The following CRB2 variants were observed in gnomAD, a reference collection of about 807,000 sequenced individuals.
CRB2 encodes the protein crumbs cell polarity complex component 2, also known as protein crumbs homolog 2.
CRB2 carries 85 observed loss-of-function variants against 110.9 expected under a neutral mutation model. The ratio of observed to expected loss-of-function variants is 0.77; its 90% CI spans 0.64 to 0.92. The LOEUF is 0.92. Among genes scored for constraint, CRB2 ranks in the 40% least tolerant of loss-of-function variants. CRB2 has a pLI of 0.00. For missense variants in CRB2, 1,843 were observed against 1,851.3 expected, an observed-to-expected ratio of 1.00 and a Z score of 0.08; for synonymous variants, 907 against 831.0, an observed-to-expected ratio of 1.09 and a Z score of -1.57.
intron 6 of CRB2, chr9:123,368,871 T>G: frequency 7.9e-7 from 1 of 1,266,678 alleles, no homozygotes; most frequent in Non-Finnish European, 1.0e-6. Flanking sequence ...CCCACCACTC[T>G]CAACCTGTCT....
rs376610848 is a variant in CRB2, at chr9:123,366,125, C to T, written c.614+13C>T. ...ACCTGGTCAACGGGTGAGCGAGCGG[C>T]GGGGCAGGCGGCAGGGGCGCCGGGT... On this transcript the variant is annotated intron_variant, in intron 3 of 12. Coordinates refer to ENST00000373631, the MANE Select transcript of CRB2 (RefSeq NM_173689.7). The T allele has an allele frequency of 6.6e-3, 9,311 of 1,409,222 alleles. 47 individuals are homozygous for T. Among genetic ancestry groups the T allele is most frequent in the Non-Finnish European group, 7.5e-3 (8,107 of 1,087,976 alleles). The allele number at this position is 1,409,222 out of a possible 1,614,324, so 87.3% of individuals were successfully genotyped here.
At chr9:123,379,680 A>T (rs951856866), downstream of CRB2, 1 of 152,272 alleles carries the variant, frequency 6.6e-6, no homozygotes, top group African/African-American at 2.4e-5. Context: ...ATTTTATTGA[A>T]TGCACACAAA....
chr9:123,367,684 C>G lies in CRB2; in HGVS notation c.1052C>G (p.Ala351Gly). The change falls in exon 6 of 13, where the codon GCA becomes GGA. Residue 351 changes from alanine to glycine, a missense_variant and splice_region_variant. Physicochemically the swap from Ala to Gly is moderately conservative, Grantham distance 60. Coordinates refer to ENST00000373631, the MANE Select transcript of CRB2 (RefSeq NM_173689.7). ...GFQCHCPDGY[A>G]GPTCEEDVDE... ...CAGTGTCACTGCCCAGATGGCTACG[C>G]AGGTGTCTGGGGTGGGGTGGGCCCT... The G allele has an allele frequency of 6.4e-7, 1 of 1,551,588 alleles. No individual in the cohort carries two copies. The highest frequency in any genetic ancestry group is 8.7e-7 in the Non-Finnish European group (1 of 1,147,382).
At chr9:123,354,275 C>T (rs1455164741), upstream of CRB2, among the ~76,000 whole-genome samples, 6 of 152,332 alleles carry the variant, frequency 3.9e-5, no homozygotes, top group East Asian at 7.7e-4. Flanking sequence ...TGCTGGGGGC[C>T]GGGCTGCAGA....
At position 123,371,322 on chromosome 9, in the gene CRB2, A is replaced by G; in HGVS notation, c.2180A>G (p.His727Arg). The change falls in exon 8 of 13, where the codon CAC becomes CGC. Residue 727 changes from histidine (H) to arginine (R), a missense_variant. Physicochemically the swap from His to Arg is conservative, Grantham distance 29. Transcript: ENST00000373631. ...LPGRWDDGLR[H>R]LVMLSFGPDQ... ...GGGCGCTGGGATGATGGGCTCCGTC[A>G]CCTGGTGATGCTCAGCTTCGGGCCT... The G allele has an allele frequency of 1.2e-6, 2 of 1,610,044 alleles. No individual in the cohort carries two copies. Among genetic ancestry groups the G allele is most frequent in the Non-Finnish European group, 1.7e-6 (2 of 1,177,654 alleles).
At position 123,377,184 on chromosome 9, in the gene CRB2, C is replaced by T; in HGVS notation, c.*122C>T. 1 of 835,630 alleles carries T rather than the reference C, an allele frequency of 1.2e-6. No individual in the cohort carries two copies. The highest frequency in any genetic ancestry group is 2.7e-5 in the East Asian group (1 of 36,630). The allele number at this position is 835,630 out of a possible 1,614,324, so 51.8% of individuals were successfully genotyped here. On this transcript the variant is annotated 3_prime_UTR_variant, in exon 13 of 13. Coordinates refer to ENST00000373631, the MANE Select transcript of CRB2 (RefSeq NM_173689.7). ...GAAGTGTCCCCTTGGCTGGCAGCCT[C>T]TGCCTCTGCCTCTGCCCCATCCTGG...
chr9:123,366,010 T>C lies in CRB2; in HGVS notation c.512T>C (p.Val171Ala), dbSNP rs1439682979. ...CLDGVGSFRC[V>A]CAPGYGGTRC... ...GACGGCGTGGGCTCCTTCCGCTGTG[T>C]GTGCGCGCCAGGCTACGGGGGCACC... Residue 171 changes from valine to alanine, a missense_variant, in exon 3 of 13, where the codon GTG becomes GCG. Physicochemically the swap from Val to Ala is moderately conservative, Grantham distance 64. Transcript: ENST00000373631. 1.2e-5 allele frequency: 19 copies of C among 1,595,014 alleles called. No homozygotes were observed. Among genetic ancestry groups the C allele is most frequent in the Non-Finnish European group, 1.6e-5 (19 of 1,177,918 alleles).
intron 2 of CRB2, 127 bp from the exon 3 acceptor site, chr9:123,365,777 CCCCCCAACCACCA>C: frequency 1.3e-6 from 1 of 748,592 alleles, no homozygotes; most frequent in Non-Finnish European, 2.0e-6. Context: ...CCGTCCCCCA[CCCCCCAACCACCA>C]CCACCACCAT....
upstream of CRB2, among the ~76,000 whole-genome samples, chr9:123,355,279 G>A (rs1891632): frequency 0.17 from 25,809 of 152,082 alleles, 2,526 homozygotes; most frequent in Admixed American, 0.3. Flanking sequence ...AGTGCAGCAG[G>A]AGACTATAAG....
In CRB2 at chr9:123,376,682, T is replaced by C. The variant is rs2797947; in HGVS notation, c.3634-156T>C. 0.97 allele frequency among the ~76,000 whole-genome samples: 147,019 copies of C among 152,320 alleles called. 71,174 individuals are homozygous for C. Among genetic ancestry groups the C allele is most frequent in the East Asian group, 1 (5,175 of 5,176 alleles). On this transcript the variant is annotated intron_variant, in intron 12 of 12. Coordinates refer to ENST00000373631, the MANE Select transcript of CRB2 (RefSeq NM_173689.7). Reference sequence around the variant, plus strand: ...GGTGGTTTCCTGGCACTTGCCTGCATACCCCTGGGGCTGGGTCTTCACTGC... The same window carrying C: ...GGTGGTTTCCTGGCACTTGCCTGCACACCCCTGGGGCTGGGTCTTCACTGC...
chr9:123,374,024 C>T (rs1435480088), intron 10 of CRB2, 104 bp downstream of exon 10: 7 of 1,375,242 alleles, frequency 5.1e-6, no homozygotes, highest in African/African-American at 1.4e-5. Context: ...CTTCCCTGGT[C>T]CTCATGTCCT....
rs1345147792 is a variant in CRB2 at position 123,373,269 on chromosome 9, C to T, written c.2738C>T (p.Ala913Val). 4.0e-6 allele frequency: 6 copies of T among 1,483,936 alleles called. No individual in the cohort carries two copies. Among genetic ancestry groups the T allele is most frequent in the Non-Finnish European group, 5.3e-6 (6 of 1,126,530 alleles). 91.9% of individuals were successfully genotyped at this position (1,483,936 alleles called of 1,614,324 possible). ...RDSEAWLLRA[A>V]AGALEGVWLA... ...TCCGAGGCCTGGCTGCTGCGTGCCG[C>T]GGCGGGCGCCCTGGAAGGCGTGTGG... The change falls in exon 10 of 13, where the codon GCG becomes GTG. Residue 913 changes from alanine (A) to valine (V), a missense_variant. By Grantham distance (64) the Ala-to-Val change is moderately conservative. Coordinates refer to ENST00000373631, the MANE Select transcript of CRB2 (RefSeq NM_173689.7).
Position 123,370,234 on chromosome 9 carries a change from C to T in CRB2, c.1181C>T (p.Ser394Phe). ...CPETWGGRDC[S>F]VQLTGCQGHT... ...GAGACCTGGGGTGGGCGCGACTGTT[C>T]TGTGCAGCTCACTGGCTGCCAGGGC... The change falls in exon 7 of 13, where the codon TCT becomes TTT. Residue 394 changes from serine (S) to phenylalanine (F), a missense_variant. Ser to Phe is a radical substitution (Grantham distance 155). Transcript: ENST00000373631. 1 of 1,613,320 alleles carries T rather than the reference C, an allele frequency of 6.2e-7. No individual in the cohort carries two copies. The highest frequency in any genetic ancestry group is 8.5e-7 in the Non-Finnish European group (1 of 1,180,008).
At chr9:123,362,633 T>C (rs1006369330) in intron 1 of CRB2, among the ~76,000 whole-genome samples, 19 of 152,056 alleles carry the variant, frequency 1.2e-4, no homozygotes, top group Admixed American at 1.3e-4. Flanking sequence ...AAGCCAGACA[T>C]CCTTGGTGCT....
At position 123,371,580 on chromosome 9, in the gene CRB2, TAA is replaced by T; in HGVS notation, c.2436+3_2436+4del. The T allele has an allele frequency of 6.2e-7, 1 of 1,612,462 alleles. No homozygotes were observed. Among genetic ancestry groups the T allele is most frequent in the Non-Finnish European group, 8.5e-7 (1 of 1,180,006 alleles). Reference sequence around the variant, plus strand: ...TGCGTCTCCGAGGACATGTGCAGTGTAAGTGTCTGGTGGCGGTGGTGGTGGTG... The same window carrying T: ...TGCGTCTCCGAGGACATGTGCAGTGTGTGTCTGGTGGCGGTGGTGGTGGTG... On this transcript the variant is annotated splice_donor_region_variant and intron_variant, in intron 8 of 12. Transcript: ENST00000373631.
At chr9:123,369,225 G>A (rs2041979590) in intron 6 of CRB2, among the ~76,000 whole-genome samples, 1 of 152,190 alleles carries the variant, frequency 6.6e-6, no homozygotes, top group South Asian at 2.1e-4. Context: ...GGGACTGAGG[G>A]GTTAGAGCCT....
intron 12 of CRB2, among the ~76,000 whole-genome samples, chr9:123,376,274 G>A (rs932932457): frequency 2.6e-5 from 4 of 152,154 alleles, no homozygotes. Context: ...TGGAATCCTC[G>A]CATCCTGGGA....
At chr9:123,361,461 G>A (rs895538893) in intron 1 of CRB2, among the ~76,000 whole-genome samples, 10 of 152,298 alleles carry the variant, frequency 6.6e-5, no homozygotes, top group East Asian at 3.9e-4. Context: ...CCTGGAATGC[G>A]GATGACGCCT....
At chr9:123,354,367 G>A (rs1237358129), upstream of CRB2, among the ~76,000 whole-genome samples, 14 of 152,254 alleles carry the variant, frequency 9.2e-5, no homozygotes, top group African/African-American at 3.1e-4. Context: ...GAACCAGAGG[G>A]TGGTGGTTGA....
Sources: gnomAD v4.1 joint callset for allele counts (sites outside exome capture counted in the v4.1 genomes callset) on GRCh38, gnomAD v4.1.1 for gene constraint, MANE v1.5 for transcripts, NCBI Gene and HGNC (gene_info 2026-07-23, HGNC 2026-07-21) for gene names.